Variants in GARIN1A observed in about 807,000 individuals in gnomAD.
GARIN1A encodes the protein golgi associated RAB2 interactor 1A, also known as Golgi-associated RAB2 interactor protein 1A.
chr7:128,690,238 TA>T, the GARIN1A span, among the ~76,000 whole-genome samples: 1,459 of 152,282 alleles, frequency 9.6e-3, 21 homozygotes, highest in African/African-American at 0.034. Flanking sequence ...CACCACTCCC[TA>T]ATCTCAAGTA....
the GARIN1A span, among the ~76,000 whole-genome samples, chr7:128,679,052 T>G: frequency 4.8e-5 from 6 of 123,964 alleles, no homozygotes; most frequent in African/African-American, 1.0e-4. Flanking sequence ...ATCGTTACAT[T>G]GTTATGTATT....
the GARIN1A span, chr7:128,683,363 GGACT>G: frequency 2.2e-6 from 1 of 447,082 alleles, no homozygotes; most frequent in African/African-American, 2.0e-5. Context: ...GTTTGGGAAA[GGACT>G]GACTGAGAAC....
the GARIN1A span, chr7:128,677,852 T>G: frequency 6.6e-7 from 1 of 1,515,546 alleles, no homozygotes; most frequent in Non-Finnish European, 8.9e-7. Context: ...GAGAAATAAG[T>G]ATATATAAGT....
the GARIN1A span, among the ~76,000 whole-genome samples, chr7:128,676,160 C>T: frequency 1.4e-5 from 2 of 145,260 alleles, no homozygotes; most frequent in Non-Finnish European, 3.0e-5. Flanking sequence ...CGCCTGCCAC[C>T]ATGCCCAGCT....
the GARIN1A span, among the ~76,000 whole-genome samples, chr7:128,702,543 A>G: frequency 6.6e-6 from 1 of 152,296 alleles, no homozygotes; most frequent in African/African-American, 2.4e-5. Flanking sequence ...TATAAATATG[A>G]GATATATGTA....
chr7:128,707,357 A>G, the GARIN1A span, among the ~76,000 whole-genome samples: 89 of 152,198 alleles, frequency 5.8e-4, no homozygotes, highest in African/African-American at 2.1e-3. Context: ...GAACTCATTC[A>G]TCTATCCTAC....
the GARIN1A span, among the ~76,000 whole-genome samples, chr7:128,676,379 G>C: frequency 6.6e-6 from 1 of 151,958 alleles, no homozygotes; most frequent in Non-Finnish European, 1.5e-5. Flanking sequence ...CCCAGTCCTT[G>C]TCTCGAGCCT....
chr7:128,699,948 A>G, the GARIN1A span, among the ~76,000 whole-genome samples: 4 of 152,250 alleles, frequency 2.6e-5, no homozygotes, highest in South Asian at 4.2e-4. Context: ...ATCATTCCAC[A>G]GTGGTCCTTT....
the GARIN1A span, chr7:128,687,976 T>G: frequency 6.6e-6 from 1 of 152,174 alleles, no homozygotes; most frequent in East Asian, 1.9e-4. Context: ...ACATCCTCTA[T>G]GAGACCTAGA....
At chr7:128,677,486 G>A in the GARIN1A span, 3 of 1,390,090 alleles carry the variant, frequency 2.2e-6, no homozygotes, top group Non-Finnish European at 2.8e-6. Context: ...TAGCCTCGGC[G>A]GCAGCGAGAC....
At chr7:128,673,496 G>C in the GARIN1A span, among the ~76,000 whole-genome samples, 1 of 152,182 alleles carries the variant, frequency 6.6e-6, no homozygotes, top group Non-Finnish European at 1.5e-5. Context: ...CCCAGACAGA[G>C]GGGCTTCAAA....
chr7:128,707,065 T>A, the GARIN1A span, among the ~76,000 whole-genome samples: 1 of 151,756 alleles, frequency 6.6e-6, no homozygotes, highest in African/African-American at 2.4e-5. Flanking sequence ...ATGATTGAGA[T>A]GTAAAAAGCT....
the GARIN1A span, among the ~76,000 whole-genome samples, chr7:128,679,176 C>A: frequency 6.6e-6 from 1 of 151,316 alleles, no homozygotes; most frequent in East Asian, 1.9e-4. Flanking sequence ...TTGTGTTTCT[C>A]TAAATTGATT....
chr7:128,697,236 G>A, the GARIN1A span, among the ~76,000 whole-genome samples: 659 of 152,282 alleles, frequency 4.3e-3, 4 homozygotes, highest in African/African-American at 0.015. Flanking sequence ...GCTCTCCTGG[G>A]TCCAGAATTC....
chr7:128,690,492 T>C, the GARIN1A span: 1 of 152,174 alleles, frequency 6.6e-6, no homozygotes, highest in Non-Finnish European at 1.5e-5. Context: ...CATGCTCTCC[T>C]AATGGTAGGA....
At chr7:128,681,315 T>G in the GARIN1A span, among the ~76,000 whole-genome samples, 175 of 152,344 alleles carry the variant, frequency 1.1e-3, no homozygotes, top group African/African-American at 4.1e-3. Context: ...AGGGGGGAAC[T>G]GGGTTGTCAC....
the GARIN1A span, among the ~76,000 whole-genome samples, chr7:128,699,232 T>C: frequency 1.3e-5 from 2 of 150,216 alleles, no homozygotes; most frequent in Admixed American, 6.7e-5. Flanking sequence ...ACTAAAGTAA[T>C]TTTGGGGCCT....
the GARIN1A span, chr7:128,685,581 G>A: frequency 6.6e-6 from 1 of 152,238 alleles, no homozygotes; most frequent in African/African-American, 2.4e-5. Flanking sequence ...CCTGATGCTT[G>A]TTGGTTTTGT....
At chr7:128,701,554 C>T in the GARIN1A span, among the ~76,000 whole-genome samples, 2 of 152,004 alleles carry the variant, frequency 1.3e-5, no homozygotes, top group Non-Finnish European at 2.9e-5. Context: ...ACAGTCTAAG[C>T]TAATTCTGAT....
Sources: gnomAD v4.1 joint callset for allele counts (sites outside exome capture counted in the v4.1 genomes callset) on GRCh38, gnomAD v4.1.1 for gene constraint, MANE v1.5 for transcripts, NCBI Gene and HGNC (gene_info 2026-07-23, HGNC 2026-07-21) for gene names.